Variants in PDE7B observed in about 807,000 individuals in gnomAD.
PDE7B encodes phosphodiesterase 7B, also known as 3',5'-cyclic-AMP phosphodiesterase 7B.
A neutral mutation model predicts 56.2 loss-of-function variants in PDE7B; 29 were observed. The observed-to-expected ratio is 0.52, with a 90% CI of 0.38 to 0.70. The LOEUF (loss-of-function observed/expected upper bound fraction) is 0.70, where lower values mean the gene tolerates loss of function less well. Ranked by LOEUF, PDE7B falls within the 30% of genes least tolerant of loss-of-function variation. PDE7B has a pLI of 0.00. For synonymous variants in PDE7B, 197 were observed against 196.9 expected (o/e 1.00, Z 0.00); for missense variants, 490 against 565.0 (o/e 0.87, Z 1.35).
At chr6:136,152,419 A>G (rs190551107) in intron 6 of PDE7B, among the ~76,000 whole-genome samples, 1 of 152,324 alleles carries the variant, frequency 6.6e-6, no homozygotes, top group Non-Finnish European at 1.5e-5. Context: ...ATTTAAACAA[A>G]TCTGCAAGTA....
intron 2 of PDE7B, among the ~76,000 whole-genome samples, chr6:136,097,833 C>G (rs1355940523): frequency 6.6e-6 from 1 of 152,042 alleles, no homozygotes; most frequent in Non-Finnish European, 1.5e-5. Context: ...TTGTTATGAT[C>G]TCTCCGATAA....
chr6:135,935,117 TAG>T (rs1158765028), intron 1 of PDE7B, among the ~76,000 whole-genome samples: 3 of 95,054 alleles, frequency 3.2e-5, no homozygotes, highest in Admixed American at 1.5e-4. Context: ...ATATTTTATA[TAG>T]AGAGAGATGA....
intron 2 of PDE7B, chr6:136,070,337 A>C (rs1287017771): frequency 1.3e-5 from 2 of 152,166 alleles, no homozygotes; most frequent in African/African-American, 2.4e-5. Context: ...AGAATCTGTC[A>C]ATGATATTAA....
At chr6:136,109,308 C>CA (rs1222520849) in intron 3 of PDE7B, among the ~76,000 whole-genome samples, 3 of 152,172 alleles carry the variant, frequency 2.0e-5, no homozygotes, top group Non-Finnish European at 4.4e-5. Context: ...CACTGCCTTC[C>CA]AGCATGTCTC....
chr6:136,071,707 C>T (rs1254796436), intron 2 of PDE7B, among the ~76,000 whole-genome samples: 2 of 152,106 alleles, frequency 1.3e-5, no homozygotes, highest in Admixed American at 6.6e-5. Flanking sequence ...GTGGGAGGAT[C>T]GCTTGAGGCC....
At chr6:136,159,548 G>T (rs943336081) in intron 8 of PDE7B, among the ~76,000 whole-genome samples, 1 of 152,140 alleles carries the variant, frequency 6.6e-6, no homozygotes, top group African/African-American at 2.4e-5. Context: ...GTCTTGTTTA[G>T]GGCTCAAGGA....
intron 2 of PDE7B, among the ~76,000 whole-genome samples, chr6:136,088,826 T>C (rs185772382): frequency 3.3e-5 from 5 of 151,946 alleles, no homozygotes; most frequent in African/African-American, 9.6e-5. Flanking sequence ...GAGTGAATTG[T>C]GTGGTATGTA....
intron 2 of PDE7B, chr6:136,012,504 T>C (rs1318726922): frequency 1.3e-5 from 2 of 152,218 alleles, no homozygotes; most frequent in African/African-American, 4.8e-5. Flanking sequence ...AGTCATGATA[T>C]GGAAAAGTTA....
chr6:135,861,934 T>C (rs1304483341), intron 1 of PDE7B, among the ~76,000 whole-genome samples: 2 of 151,888 alleles, frequency 1.3e-5, no homozygotes, highest in African/African-American at 2.4e-5. Flanking sequence ...TACTGATACA[T>C]AGAAAAACAA....
At chr6:135,957,855 G>A (rs2128200951) in intron 2 of PDE7B, among the ~76,000 whole-genome samples, 1 of 152,264 alleles carries the variant, frequency 6.6e-6, no homozygotes, top group Non-Finnish European at 1.5e-5. Flanking sequence ...ACTTTGTGAA[G>A]GAGACCAAAG....
intron 2 of PDE7B, among the ~76,000 whole-genome samples, chr6:136,042,567 C>T (rs1352638617): frequency 1.3e-5 from 2 of 152,168 alleles, no homozygotes; most frequent in Non-Finnish European, 2.9e-5. Flanking sequence ...GAAAGAAACT[C>T]ATCTTCCCCA....
intron 2 of PDE7B, among the ~76,000 whole-genome samples, chr6:135,967,703 G>A (rs995658415): frequency 1.3e-5 from 2 of 152,196 alleles, no homozygotes; most frequent in African/African-American, 4.8e-5. Context: ...GCTTAATTTT[G>A]TAGGATACTA....
intron 1 of PDE7B, among the ~76,000 whole-genome samples, chr6:135,853,838 C>T (rs563637352): frequency 6.6e-6 from 1 of 152,184 alleles, no homozygotes; most frequent in East Asian, 1.9e-4. Flanking sequence ...TAATGCCTTA[C>T]ACAGGGTTCA....
chr6:136,122,333 C>T (rs943728091), intron 3 of PDE7B, among the ~76,000 whole-genome samples: 1 of 152,164 alleles, frequency 6.6e-6, no homozygotes, highest in Non-Finnish European at 1.5e-5. Context: ...TCACTTAGGG[C>T]TTGTGAGTAT....
intron 1 of PDE7B, among the ~76,000 whole-genome samples, chr6:135,916,745 C>G (rs1773956922): frequency 6.6e-6 from 1 of 152,028 alleles, no homozygotes; most frequent in Non-Finnish European, 1.5e-5. Flanking sequence ...AGTTAATTGA[C>G]TGGCTTGTAG....
At chr6:135,934,065 T>C (rs1194242840) in intron 1 of PDE7B, among the ~76,000 whole-genome samples, 1 of 152,206 alleles carries the variant, frequency 6.6e-6, no homozygotes, top group African/African-American at 2.4e-5. Context: ...GTTACTCCAA[T>C]AGATACCCAT....
At chr6:135,921,346 A>G (rs1202882799) in intron 1 of PDE7B, among the ~76,000 whole-genome samples, 1 of 152,196 alleles carries the variant, frequency 6.6e-6, no homozygotes, top group Non-Finnish European at 1.5e-5. Context: ...TTCCAGTGGC[A>G]ACAATAACGA....
intron 2 of PDE7B, among the ~76,000 whole-genome samples, chr6:136,075,092 G>A (rs1206883079): frequency 1.3e-5 from 2 of 152,174 alleles, no homozygotes; most frequent in Admixed American, 6.5e-5. Context: ...TTTTGTTAAT[G>A]AATAAAGTGT....
chr6:136,143,026 A>G (rs1033770249), intron 3 of PDE7B, among the ~76,000 whole-genome samples: 4 of 152,090 alleles, frequency 2.6e-5, no homozygotes, highest in African/African-American at 9.7e-5. Context: ...CCGTTAGTTG[A>G]TGCAGTTTCT....
Sources: gnomAD v4.1 joint callset for allele counts (sites outside exome capture counted in the v4.1 genomes callset) on GRCh38, gnomAD v4.1.1 for gene constraint, MANE v1.5 for transcripts, NCBI Gene and HGNC (gene_info 2026-07-23, HGNC 2026-07-21) for gene names.